The following LARGE1 variants were observed in gnomAD, a reference collection of about 807,000 sequenced individuals.
LARGE1 encodes xylosyl- and glucuronyltransferase LARGE1.
A neutral mutation model predicts 87.6 loss-of-function variants in LARGE1; 43 were observed. The ratio of observed to expected loss-of-function variants is 0.49; its 90% CI spans 0.38 to 0.63. The LOEUF is 0.63. Ranked by LOEUF, LARGE1 falls within the 30% of genes least tolerant of loss-of-function variation. The probability of loss-of-function intolerance (pLI) is 0.00; values close to 1 mark genes in which losing one functional copy is unlikely to be tolerated. For missense variants in LARGE1, 802 were observed against 1,000.2 expected (o/e 0.80, Z 2.67); for synonymous variants, 434 against 394.6 (o/e 1.10, Z -1.18).
intron 6 of LARGE1, among the ~76,000 whole-genome samples, chr22:33,507,214 A>G (rs1369147405): frequency 6.6e-6 from 1 of 152,208 alleles, no homozygotes; most frequent in Non-Finnish European, 1.5e-5. Context: ...GCAATGGCAT[A>G]GAGACCCGAG....
intron 11 of LARGE1, among the ~76,000 whole-genome samples, chr22:33,311,054 G>T (rs934617881): frequency 6.6e-6 from 1 of 151,232 alleles, no homozygotes; most frequent in Non-Finnish European, 1.5e-5. Flanking sequence ...TCCGCCTCCC[G>T]GGTTCACACC....
At position 33,626,233 on chromosome 22, in the gene LARGE1, G is replaced by T. The variant is rs781066281; in HGVS notation, c.491+11C>A. 1 of 1,612,492 alleles carries T rather than the reference G, an allele frequency of 6.2e-7. No homozygotes were observed. On this transcript the variant is annotated intron_variant, in intron 4 of 14. Transcript: ENST00000397394. ...AGACCTCAGCCCACACAGCACAGAA[G>T]TTGTTCTTACCTATGGAACAGGACG...
chr22:33,673,702 T>C (rs899822063), intron 2 of LARGE1, among the ~76,000 whole-genome samples: 2 of 152,092 alleles, frequency 1.3e-5, no homozygotes, highest in Non-Finnish European at 2.9e-5. Context: ...CTTTTTTATT[T>C]TTATTTTTAT....
chr22:33,138,594 C>A, the LARGE1 span, among the ~76,000 whole-genome samples: 63,982 of 151,750 alleles, frequency 0.42, 13,940 homozygotes, highest in South Asian at 0.68. Flanking sequence ...CAGGCATGTG[C>A]CACCACGCCT....
At chr22:33,306,458 C>T (rs1254104384) in intron 11 of LARGE1, among the ~76,000 whole-genome samples, 1 of 152,174 alleles carries the variant, frequency 6.6e-6, no homozygotes, top group Non-Finnish European at 1.5e-5. Flanking sequence ...AGGACCACTT[C>T]TCAGGATTCT....
intron 11 of LARGE1, among the ~76,000 whole-genome samples, chr22:33,193,795 G>T (rs1279706078): frequency 2.6e-5 from 4 of 151,516 alleles, no homozygotes; most frequent in Non-Finnish European, 5.9e-5. Flanking sequence ...TCCAGCCTGG[G>T]TGACAGAGTG....
At chr22:33,659,677 C>T (rs1297366448) in intron 2 of LARGE1, among the ~76,000 whole-genome samples, 1 of 145,990 alleles carries the variant, frequency 6.8e-6, no homozygotes, top group Non-Finnish European at 1.5e-5. Context: ...TCTTTGGCAA[C>T]CAAAGCACAC....
At chr22:33,384,393 C>G in intron 7 of LARGE1, 89 bp from the exon 8 acceptor site, 3 of 932,606 alleles carry the variant, frequency 3.2e-6, no homozygotes, top group Non-Finnish European at 5.2e-6. Context: ...GCCACAGTCT[C>G]TCGGGGATGA....
At chr22:33,626,427 T>C (rs2079924844) in intron 3 of LARGE1, 101 bp from the exon 4 acceptor site, 1 of 875,672 alleles carries the variant, frequency 1.1e-6, no homozygotes, top group African/African-American at 1.6e-5. Context: ...TGATTTCTTG[T>C]TGGCATCATT....
At chr22:33,387,531 G>A (rs1304061119) in intron 7 of LARGE1, among the ~76,000 whole-genome samples, 3 of 147,900 alleles carry the variant, frequency 2.0e-5, no homozygotes, top group African/African-American at 5.1e-5. Flanking sequence ...AAAATGGGGG[G>A]GGGGATGGTG....
chr22:33,346,669 A>C (rs940767563), intron 9 of LARGE1, among the ~76,000 whole-genome samples: 1 of 152,128 alleles, frequency 6.6e-6, no homozygotes, highest in African/African-American at 2.4e-5. Flanking sequence ...CATGTTCTGC[A>C]AAGCTTTTCC....
At chr22:33,129,077 G>A in the LARGE1 span, among the ~76,000 whole-genome samples, 9 of 152,066 alleles carry the variant, frequency 5.9e-5, no homozygotes, top group South Asian at 2.1e-4. Flanking sequence ...CATGTACCCC[G>A]GAAATTAAAA....
chr22:33,140,871 T>C, the LARGE1 span, among the ~76,000 whole-genome samples: 9 of 152,160 alleles, frequency 5.9e-5, no homozygotes, highest in Non-Finnish European at 1.2e-4. Flanking sequence ...CTTAATAAAC[T>C]CCCTTTCATA....
intron 1 of LARGE1, among the ~76,000 whole-genome samples, chr22:33,815,052 T>A (rs997611077): frequency 4.6e-5 from 7 of 152,120 alleles, no homozygotes; most frequent in African/African-American, 1.7e-4. Flanking sequence ...TAATTCCTAA[T>A]AAGAATAGCC....
the LARGE1 span, among the ~76,000 whole-genome samples, chr22:33,075,004 T>C: frequency 2.0e-5 from 3 of 152,216 alleles, no homozygotes; most frequent in East Asian, 5.8e-4. Flanking sequence ...CTTAGCGAGC[T>C]TATGTAACTT....
intron 4 of LARGE1, among the ~76,000 whole-genome samples, chr22:33,622,251 T>C (rs1284624140): frequency 6.6e-6 from 1 of 152,184 alleles, no homozygotes; most frequent in Non-Finnish European, 1.5e-5. Context: ...CCCCATGCTG[T>C]TCTCATGATA....
chr22:33,085,926 T>C, the LARGE1 span, among the ~76,000 whole-genome samples: 8 of 152,212 alleles, frequency 5.3e-5, no homozygotes, highest in Non-Finnish European at 1.0e-4. Context: ...GTATAACTGT[T>C]CCACCACACA....
intron 7 of LARGE1, among the ~76,000 whole-genome samples, chr22:33,408,699 T>TA (rs1205962166): frequency 6.6e-6 from 1 of 151,968 alleles, no homozygotes; most frequent in East Asian, 1.9e-4. Context: ...ACTTGTCTTT[T>TA]TTTTTTTTTT....
chr22:33,341,806 C>G (rs1466541616), intron 9 of LARGE1, among the ~76,000 whole-genome samples: 1 of 152,116 alleles, frequency 6.6e-6, no homozygotes, highest in African/African-American at 2.4e-5. Context: ...TGGGGATCAG[C>G]AAGTAGGTAA....
Sources: gnomAD v4.1 joint callset for allele counts (sites outside exome capture counted in the v4.1 genomes callset) on GRCh38, gnomAD v4.1.1 for gene constraint, MANE v1.5 for transcripts, NCBI Gene and HGNC (gene_info 2026-07-23, HGNC 2026-07-21) for gene names.